The following IQSEC1 variants were observed in gnomAD, a reference collection of about 807,000 sequenced individuals.
IQSEC1 encodes IQ motif and SEC7 domain-containing protein 1.
Under a neutral mutation model 91.0 loss-of-function variants are expected in IQSEC1, and 31 were observed. That is an observed-to-expected ratio of 0.34 (90% CI 0.26 to 0.46). The LOEUF is 0.46. Among genes scored for constraint, IQSEC1 ranks in the 20% least tolerant of loss-of-function variants. IQSEC1 has a pLI of 1.00. For missense variants in IQSEC1, 1,388 were observed against 1,575.6 expected (o/e 0.88, Z 2.02); for synonymous variants, 699 against 662.6 (o/e 1.05, Z -0.84).
intron 1 of IQSEC1, among the ~76,000 whole-genome samples, chr3:12,996,019 T>TA (rs1164490619): frequency 1.3e-5 from 2 of 151,878 alleles, no homozygotes; most frequent in African/African-American, 4.8e-5. Flanking sequence ...ATCTCAAAAA[T>TA]AAATTAACCA....
intron 1 of IQSEC1, among the ~76,000 whole-genome samples, chr3:13,276,418 T>G (rs969715705): frequency 2.0e-5 from 3 of 152,154 alleles, no homozygotes; most frequent in African/African-American, 4.8e-5. Flanking sequence ...GCCCTGGCTA[T>G]TCCTCCCCTG....
intron 1 of IQSEC1, among the ~76,000 whole-genome samples, chr3:13,051,995 T>G (rs1199053343): frequency 6.6e-6 from 1 of 152,164 alleles, no homozygotes; most frequent in Non-Finnish European, 1.5e-5. Flanking sequence ...TCCCCTAGCC[T>G]TTTCCAGAGA....
At chr3:13,084,979 C>T (rs1004154058) in intron 2 of IQSEC1, among the ~76,000 whole-genome samples, 1 of 149,274 alleles carries the variant, frequency 6.7e-6, no homozygotes, top group Non-Finnish European at 1.5e-5. Flanking sequence ...GGTGGGGGGG[C>T]AATTCTAGCC....
chr3:13,089,037 G>A (rs1365268938), intron 2 of IQSEC1, among the ~76,000 whole-genome samples: 1 of 152,230 alleles, frequency 6.6e-6, no homozygotes, highest in Non-Finnish European at 1.5e-5. Context: ...TTTCAGTATT[G>A]TAACGACAGG....
intron 1 of IQSEC1, among the ~76,000 whole-genome samples, chr3:13,023,304 C>T (rs536425077): frequency 1.3e-5 from 2 of 152,294 alleles, no homozygotes; most frequent in Non-Finnish European, 2.9e-5. Flanking sequence ...CTTGAGCCCC[C>T]ACCCTGGTCT....
chr3:13,176,192 G>T (rs4684121), intron 1 of IQSEC1, among the ~76,000 whole-genome samples: 42,155 of 152,086 alleles, frequency 0.28, 6,621 homozygotes, highest in Non-Finnish European at 0.34. Context: ...CAGGTCAGAA[G>T]CAGATCCCCC....
In IQSEC1 at chr3:12,900,602, T is replaced by A. The variant is rs150725405; in HGVS notation, c.*381A>T. ...TTTTGGGGTTTGTTTTGTCTGTTTT[T>A]GTATCTCATTTCTTCGTTTTCTAGG... On this transcript the variant is annotated 3_prime_UTR_variant, in exon 14 of 14. Coordinates refer to ENST00000613206, the MANE Select transcript of IQSEC1 (RefSeq NM_001134382.3). 1.5e-5 allele frequency: 16 copies of A among 1,045,978 alleles called. No individual in the cohort carries two copies. In the African/African-American group the frequency reaches 2.4e-4, roughly 15 times the overall value. The allele number at this position is 1,045,978 out of a possible 1,614,324, so 64.8% of individuals were successfully genotyped here. A position where few individuals can be genotyped will look rare whatever the true frequency, so the allele number is the denominator to read the frequency against.
intron 1 of IQSEC1, among the ~76,000 whole-genome samples, chr3:13,043,236 C>T (rs566424321): frequency 2.6e-5 from 4 of 152,294 alleles, no homozygotes; most frequent in Admixed American, 2.0e-4. Flanking sequence ...GAATGGGTGG[C>T]CCCACAGGCC....
At chr3:12,942,324 C>G (rs1475892801) in intron 1 of IQSEC1, among the ~76,000 whole-genome samples, 1 of 152,168 alleles carries the variant, frequency 6.6e-6, no homozygotes, top group African/African-American at 2.4e-5. Flanking sequence ...AAAAAAAGGC[C>G]GGGCGCGGTG....
intron 1 of IQSEC1, among the ~76,000 whole-genome samples, chr3:12,999,959 C>A (rs957472178): frequency 1.3e-5 from 2 of 152,228 alleles, no homozygotes; most frequent in Non-Finnish European, 2.9e-5. Flanking sequence ...AAAGTCCAAG[C>A]TCCTTAGGAA....
intron 1 of IQSEC1, among the ~76,000 whole-genome samples, chr3:12,949,490 T>C (rs1699398500): frequency 6.6e-6 from 1 of 152,250 alleles, no homozygotes; most frequent in Non-Finnish European, 1.5e-5. Context: ...GAAGTACGTA[T>C]GCCCATCACG....
chr3:13,243,133 C>A (rs1695048231), intron 1 of IQSEC1, among the ~76,000 whole-genome samples: 1 of 152,178 alleles, frequency 6.6e-6, no homozygotes, highest in Non-Finnish European at 1.5e-5. Flanking sequence ...CCTTCGCACA[C>A]AGAGATGCTC....
chr3:13,111,728 A>C (rs1174621538), intron 2 of IQSEC1, among the ~76,000 whole-genome samples: 1 of 152,134 alleles, frequency 6.6e-6, no homozygotes, highest in Non-Finnish European at 1.5e-5. Context: ...AGAGGCATCA[A>C]ACTTCCCTCT....
intron 2 of IQSEC1, among the ~76,000 whole-genome samples, chr3:13,090,228 A>AAC (rs1553564416): frequency 5.8e-4 from 88 of 151,994 alleles, no homozygotes; most frequent in African/African-American, 2.0e-3. Context: ...AAAAAAAATA[A>AAC]AACAACAAAA....
At chr3:13,208,808 C>T (rs940066786) in intron 1 of IQSEC1, among the ~76,000 whole-genome samples, 2 of 152,216 alleles carry the variant, frequency 1.3e-5, no homozygotes, top group African/African-American at 4.8e-5. Flanking sequence ...CTCACTCCAC[C>T]CTGGAGGATG....
chr3:12,962,392 T>C (rs1407362971), intron 1 of IQSEC1, among the ~76,000 whole-genome samples: 43 of 152,216 alleles, frequency 2.8e-4, no homozygotes, highest in Non-Finnish European at 1.8e-4. Context: ...AAAGTATTCA[T>C]GTTGGCAGAC....
At chr3:13,203,817 G>T (rs1694289770) in intron 1 of IQSEC1, among the ~76,000 whole-genome samples, 2 of 152,216 alleles carry the variant, frequency 1.3e-5, no homozygotes, top group Admixed American at 1.3e-4. Context: ...TTCCCTCCCT[G>T]CTTCCTCTCA....
At chr3:12,996,782 G>C (rs1021986518) in intron 1 of IQSEC1, among the ~76,000 whole-genome samples, 2 of 152,194 alleles carry the variant, frequency 1.3e-5, no homozygotes, top group African/African-American at 2.4e-5. Flanking sequence ...CTCATGGAAA[G>C]ATCTTCAATC....
intron 2 of IQSEC1, among the ~76,000 whole-genome samples, chr3:13,145,582 A>C (rs1706875564): frequency 6.6e-6 from 1 of 152,154 alleles, no homozygotes; most frequent in Admixed American, 6.5e-5. Context: ...AGGGAAAGAG[A>C]CAGTCATGAC....
Sources: allele counts gnomAD v4.1 joint callset (sites outside exome capture counted in the v4.1 genomes callset), GRCh38; gene constraint gnomAD v4.1.1; transcripts MANE v1.5; gene names NCBI Gene and HGNC (gene_info 2026-07-23, HGNC 2026-07-21).